Variants in RMND1 observed in about 807,000 individuals in gnomAD.
RMND1 encodes the protein required for meiotic nuclear division protein 1 homolog.
A neutral mutation model predicts 54.0 loss-of-function variants in RMND1; 41 were observed. The observed-to-expected ratio is 0.76, with a 90% CI of 0.59 to 0.98. The LOEUF (loss-of-function observed/expected upper bound fraction) is 0.98. Ranked by LOEUF, RMND1 falls within the 50% of genes least tolerant of loss-of-function variation. The pLI is 0.00. For missense variants in RMND1, 457 were observed against 532.0 expected (o/e 0.86, Z 1.39); for synonymous variants, 183 against 181.7 (o/e 1.01, Z -0.06).
At chr6:151,446,312 T>C (rs1053375964) in intron 1 of RMND1, among the ~76,000 whole-genome samples, 1 of 151,882 alleles carries the variant, frequency 6.6e-6, no homozygotes, top group African/African-American at 2.4e-5. Flanking sequence ...CTCATGCCTG[T>C]AGTCCCAGCT....
At chr6:151,409,931 G>T (rs1779755657) in intron 10 of RMND1, among the ~76,000 whole-genome samples, 1 of 152,140 alleles carries the variant, frequency 6.6e-6, no homozygotes, top group Non-Finnish European at 1.5e-5. Flanking sequence ...CTGTGTAACT[G>T]CTCTCTGCAT....
intron 3 of RMND1, among the ~76,000 whole-genome samples, chr6:151,433,830 T>G (rs886761798): frequency 1.3e-5 from 2 of 151,170 alleles, no homozygotes; most frequent in African/African-American, 4.9e-5. Flanking sequence ...AAAAAGTTTT[T>G]TTTTTGTTTG....
rs892293654 is a variant in RMND1, at chr6:151,405,170, G to C, written c.*65C>G. Reference sequence around the variant, plus strand: ...CAGGCATGAGGCACCGCGCCGGGCCGAACATTTAATTTTTGATTGTAGAAC... The same window carrying C: ...CAGGCATGAGGCACCGCGCCGGGCCCAACATTTAATTTTTGATTGTAGAAC... On this transcript the variant is annotated 3_prime_UTR_variant, in exon 12 of 12. Coordinates refer to ENST00000444024, the MANE Select transcript of RMND1 (RefSeq NM_017909.4). The C allele has an allele frequency of 6.7e-7, 1 of 1,497,502 alleles. No homozygotes were observed. Among genetic ancestry groups the C allele is most frequent in the African/African-American group, 1.4e-5 (1 of 72,400 alleles). 92.8% of individuals were successfully genotyped at this position (1,497,502 alleles called of 1,614,324 possible).
At chr6:151,445,179 G>T in intron 2 of RMND1, 129 bp downstream of exon 2, 1 of 882,616 alleles carries the variant, frequency 1.1e-6, no homozygotes, top group Non-Finnish European at 1.7e-6. Flanking sequence ...AGGCTTCAAA[G>T]ACCTTGATGA....
chr6:151,417,278 C>T lies in RMND1; in HGVS notation c.1200+1G>A, dbSNP rs768951837. On this transcript the variant is annotated splice_donor_variant, in intron 10 of 11. Coordinates refer to ENST00000444024, the MANE Select transcript of RMND1 (RefSeq NM_017909.4). LOFTEE classifies it high-confidence loss of function. The stretch of plus-strand genomic sequence containing the variant: ...TCTCATTAGAAGTGCAAAATACGTA[C>T]CTTAACTCTTCGGCCAATGCTAAGG... The T allele has an allele frequency of 1.2e-6, 2 of 1,607,358 alleles. No individual in the cohort carries two copies. The highest frequency in any genetic ancestry group is 2.2e-5 in the South Asian group (2 of 88,936).
chr6:151,419,284 C>T (rs1442415843), intron 9 of RMND1, among the ~76,000 whole-genome samples: 3 of 148,538 alleles, frequency 2.0e-5, no homozygotes, highest in Admixed American at 1.3e-4. Context: ...AGGCTGGTCT[C>T]GAGCTCCCAG....
chr6:151,441,639 A>AG (rs1303299349), intron 2 of RMND1, among the ~76,000 whole-genome samples: 1 of 152,116 alleles, frequency 6.6e-6, no homozygotes, highest in Non-Finnish European at 1.5e-5. Context: ...CTCCATTAAA[A>AG]ACACCCAGAT....
At chr6:151,405,333 C>T in intron 11 of RMND1, 66 bp from the exon 12 acceptor site, 3 of 1,413,622 alleles carry the variant, frequency 2.1e-6, no homozygotes, top group South Asian at 2.3e-5. Context: ...AAATGACTTC[C>T]AAGATTGTGA....
At chr6:151,425,942 A>G (rs1175745260) in intron 6 of RMND1, among the ~76,000 whole-genome samples, 1 of 137,210 alleles carries the variant, frequency 7.3e-6, no homozygotes, top group Non-Finnish European at 1.5e-5. Flanking sequence ...CTCTGCTTTT[A>G]ACGCTTTTTT....
chr6:151,440,791 T>C (rs1240534718), intron 2 of RMND1, among the ~76,000 whole-genome samples: 2 of 152,244 alleles, frequency 1.3e-5, no homozygotes, highest in East Asian at 1.9e-4. Flanking sequence ...GCCTATTTGG[T>C]AAAAGGAAAG....
At chr6:151,449,171 A>G (rs777155102) in intron 1 of RMND1, among the ~76,000 whole-genome samples, 19 of 149,966 alleles carry the variant, frequency 1.3e-4, no homozygotes, top group Non-Finnish European at 2.2e-4. Flanking sequence ...GTTCGAGGCC[A>G]GCCTGGCCAA....
chr6:151,423,642 C>CA lies in RMND1; in HGVS notation c.831-12dup, dbSNP rs746367147. ...AGTTTTGACTGTCCCCTGTGAAAAG[C>CA]AAAAAGATAATACCTTCTAAATCTT... On this transcript the variant is annotated splice_polypyrimidine_tract_variant and intron_variant, in intron 6 of 11. Coordinates refer to ENST00000444024, the MANE Select transcript of RMND1 (RefSeq NM_017909.4). The CA allele has an allele frequency of 3.2e-6, 5 of 1,546,466 alleles. No homozygotes were observed. Among genetic ancestry groups the CA allele is most frequent in the Non-Finnish European group, 3.6e-6 (4 of 1,119,826 alleles).
In RMND1 at chr6:151,405,212, G is replaced by A. The variant is rs1184419252; in HGVS notation, c.*23C>T. 2 of 1,603,474 alleles carry A rather than the reference G, an allele frequency of 1.2e-6. No homozygotes were observed. The highest frequency in any genetic ancestry group is 1.7e-6 in the Non-Finnish European group (2 of 1,170,664). On this transcript the variant is annotated 3_prime_UTR_variant, in exon 12 of 12. Coordinates refer to ENST00000444024, the MANE Select transcript of RMND1 (RefSeq NM_017909.4). The stretch of plus-strand genomic sequence containing the variant: ...TTGTAGAACTTGAATATCTCTTGCA[G>A]TGACACTTTGGTTATCACTTGATCA...
Position 151,445,672 on chromosome 6 carries a change from C to T in RMND1, c.140G>A (p.Arg47His), listed in dbSNP as rs6934360. The change falls in exon 2 of 12, where the codon CGT becomes CAT. Residue 47 changes from arginine to histidine, a missense_variant. Arg to His is a conservative substitution (Grantham distance 29). Transcript: ENST00000444024. ...AGGAAGGAACAAATCCAAGCTTTGACGTATTGTCAGTGTGCTGCATGTTGT... is the reference window on the plus strand; with the variant it reads ...AGGAAGGAACAAATCCAAGCTTTGATGTATTGTCAGTGTGCTGCATGTTGT... ...ENTTCSTLTI[R>H]QSLDLFLPDK... 1.8e-3 allele frequency: 2,944 copies of T among 1,614,092 alleles called. 38 individuals are homozygous for T. The African/African-American group carries it at 0.029, about 16-fold the overall frequency.
rs536693988 is a variant in RMND1, at chr6:151,440,767, C to CT, written c.505-4214dup. Among the ~76,000 whole-genome samples, 325 of 152,154 alleles carry CT rather than the reference C, an allele frequency of 2.1e-3. 2 individuals carry two copies. The highest frequency in any genetic ancestry group is 7.4e-3 in the African/African-American group (307 of 41,492). The stretch of plus-strand genomic sequence containing the variant: ...CTTTGTTTTGGTTTTGTTTTCTTTG[C>CT]TTTTTTTATTTTAGCCTATTTGGTA... On this transcript the variant is annotated intron_variant, in intron 2 of 11. Transcript: ENST00000444024.
Position 151,445,465 on chromosome 6 carries a change from G to A in RMND1, c.347C>T (p.Ser116Phe). 6.2e-7 allele frequency: 1 copy of A among 1,614,162 alleles called. No homozygotes were observed. The highest frequency in any genetic ancestry group is 8.5e-7 in the Non-Finnish European group (1 of 1,180,020). ...RVTHKPNLLG[S>F]KWFIKILKRH... ...CTTTAATATTTTTATAAACCATTTA[G>A]AACCCAACAGATTTGGTTTGTGGGT... The change falls in exon 2 of 12, where the codon TCT becomes TTT. Residue 116 changes from serine to phenylalanine, a missense_variant. Coordinates refer to ENST00000444024, the MANE Select transcript of RMND1 (RefSeq NM_017909.4).
intron 2 of RMND1, chr6:151,445,055 C>A (rs919448441): frequency 2.5e-6 from 1 of 392,386 alleles, no homozygotes; most frequent in Non-Finnish European, 4.5e-6. Flanking sequence ...TTCCTTAGAC[C>A]AATAACCAAA....
At position 151,445,614 on chromosome 6, in the gene RMND1, C is replaced by T; in HGVS notation, c.198G>A (p.Gln66=). ...ACTTTTTTTGGTTCATTTCCAGGAT[C>T]TGAGACTTATTCAAACCACTAGCTG... ...DKTASGLNKS[Q]ILEMNQKKSD... The change falls in exon 2 of 12, where the codon CAG becomes CAA. Residue 66 remains glutamine (Q), a synonymous_variant. Transcript: ENST00000444024. The T allele has an allele frequency of 6.2e-7, 1 of 1,614,182 alleles. No individual in the cohort carries two copies. The highest frequency in any genetic ancestry group is 8.5e-7 in the Non-Finnish European group (1 of 1,180,024).
At chr6:151,410,594 G>T (rs894324976) in intron 10 of RMND1, among the ~76,000 whole-genome samples, 2 of 152,078 alleles carry the variant, frequency 1.3e-5, no homozygotes, top group African/African-American at 4.8e-5. Flanking sequence ...AACTCATGCA[G>T]AAGACTTAAC....
Sources: allele counts gnomAD v4.1 joint callset (sites outside exome capture counted in the v4.1 genomes callset), GRCh38; gene constraint gnomAD v4.1.1; transcripts MANE v1.5; gene names NCBI Gene and HGNC (gene_info 2026-07-23, HGNC 2026-07-21).